Variants in CCDC178 observed in about 807,000 individuals in gnomAD.
CCDC178 encodes coiled-coil domain-containing protein 178.
CCDC178 carries 126 observed loss-of-function variants against 117.4 expected under a neutral mutation model. That is an observed-to-expected ratio of 1.07 (90% confidence interval 0.93 to 1.24). The LOEUF (loss-of-function observed/expected upper bound fraction) is 1.24. CCDC178 is among the 50% of genes most tolerant of loss of function. The pLI is 0.00. For synonymous variants in CCDC178, 283 were observed against 313.4 expected (o/e 0.90, Z 1.02); for missense variants, 1,030 against 986.9 (o/e 1.04, Z -0.59).
chr18:33,370,250 C>A, intron 5 of CCDC178, 61 bp from the exon 6 acceptor site: 1 of 1,281,004 alleles, frequency 7.8e-7, no homozygotes, highest in Non-Finnish European at 1.1e-6. Context: ...TTTTGATGTT[C>A]AGAATAAGCA....
chr18:33,312,541 G>A (rs554735467), intron 11 of CCDC178, among the ~76,000 whole-genome samples: 2 of 152,252 alleles, frequency 1.3e-5, no homozygotes, highest in South Asian at 4.1e-4. Context: ...AATTGCCCTA[G>A]GAGTACTAAC....
chr18:33,044,312 G>A (rs1457525801), intron 21 of CCDC178, among the ~76,000 whole-genome samples: 1 of 151,884 alleles, frequency 6.6e-6, no homozygotes, highest in Non-Finnish European at 1.5e-5. Flanking sequence ...TTAAAATGAC[G>A]ATACTGCCCA....
Position 33,296,750 on chromosome 18 carries a change from A to G in CCDC178, c.1023-3438T>C, listed in dbSNP as rs536142439. ...CTAATTAAGAATCATATTTTGGGCC[A>G]GGCGTGGTGGCTCACACCTGTAATC... On this transcript the variant is annotated intron_variant, in intron 11 of 22. Transcript: ENST00000383096. 7.0e-4 allele frequency among the ~76,000 whole-genome samples: 107 copies of G among 152,304 alleles called. 1 individual carries two copies. The South Asian group carries it at 0.017, about 24-fold the overall frequency.
intron 14 of CCDC178, among the ~76,000 whole-genome samples, chr18:33,247,583 CAAG>C (rs1260152845): frequency 6.6e-6 from 1 of 151,728 alleles, no homozygotes; most frequent in Non-Finnish European, 1.5e-5. Flanking sequence ...GGTGTGTGTG[CAAG>C]CACACACAAT....
intron 22 of CCDC178, among the ~76,000 whole-genome samples, chr18:32,960,684 A>G (rs1160835705): frequency 6.6e-6 from 1 of 152,086 alleles, no homozygotes; most frequent in Non-Finnish European, 1.5e-5. Flanking sequence ...TCTCTACCCC[A>G]GCACTATGCT....
chr18:33,322,301 A>C (rs1376244378), intron 11 of CCDC178, among the ~76,000 whole-genome samples: 1 of 151,944 alleles, frequency 6.6e-6, no homozygotes, highest in Non-Finnish European at 1.5e-5. Context: ...ATAGGTCTGT[A>C]TTGAGTCTGA....
chr18:33,143,964 A>G (rs1232063766), intron 20 of CCDC178, among the ~76,000 whole-genome samples: 2 of 152,046 alleles, frequency 1.3e-5, no homozygotes, highest in Admixed American at 6.5e-5. Context: ...ATAAATATCA[A>G]TGACTCCTAC....
At chr18:33,184,890 C>A (rs1220931574) in intron 20 of CCDC178, among the ~76,000 whole-genome samples, 1 of 152,168 alleles carries the variant, frequency 6.6e-6, no homozygotes, top group East Asian at 1.9e-4. Flanking sequence ...AACCTGCTCA[C>A]AGTTACTTAT....
chr18:33,021,818 C>T (rs528575003), intron 21 of CCDC178, among the ~76,000 whole-genome samples: 30 of 152,248 alleles, frequency 2.0e-4, no homozygotes, highest in Middle Eastern at 3.4e-3. Flanking sequence ...GTGCTAAATG[C>T]CACTGCTTTA....
chr18:33,313,307 T>C lies in CCDC178; in HGVS notation c.1022+10184A>G, dbSNP rs1227791038. Among the ~76,000 whole-genome samples, 3 of 152,180 alleles carry C rather than the reference T, an allele frequency of 2.0e-5. No individual in the cohort carries two copies. The East Asian group carries it at 5.8e-4, about 29-fold the overall frequency. On this transcript the variant is annotated intron_variant, in intron 11 of 22. Coordinates refer to ENST00000383096, the MANE Select transcript of CCDC178 (RefSeq NM_001105528.4). ...CCCAGGTGGAAGCAGTTCACTGCCA[T>C]GGCCACCAAAAGGGAGGGGCTGAGA...
chr18:33,363,784 C>T (rs2063161041), intron 6 of CCDC178, among the ~76,000 whole-genome samples: 1 of 152,018 alleles, frequency 6.6e-6, no homozygotes, highest in African/African-American at 2.4e-5. Context: ...TATGGATATT[C>T]ATGATACCAG....
rs537901619 is a variant in CCDC178 at position 33,300,176 on chromosome 18, T to G, written c.1023-6864A>C. ...ACTCTTGCCATGTGACATGCCTGCT[T>G]GCCTGCTCCCACTTCACTTTCCTCC... is the stretch of plus-strand genomic sequence containing the variant. On this transcript the variant is annotated intron_variant, in intron 11 of 22. Coordinates refer to ENST00000383096, the MANE Select transcript of CCDC178 (RefSeq NM_001105528.4). Among the ~76,000 whole-genome samples the G allele has an allele frequency of 1.5e-3, 224 of 152,296 alleles. 1 individual carries two copies. The highest frequency in any genetic ancestry group is 5.2e-3 in the African/African-American group (215 of 41,560).
At chr18:33,141,880 G>T (rs1204999182) in intron 20 of CCDC178, among the ~76,000 whole-genome samples, 1 of 152,104 alleles carries the variant, frequency 6.6e-6, no homozygotes, top group Non-Finnish European at 1.5e-5. Context: ...CTTCTTGTTT[G>T]CAAGAGGATG....
chr18:33,221,744 A>C (rs771793153), intron 18 of CCDC178, among the ~76,000 whole-genome samples: 3 of 152,094 alleles, frequency 2.0e-5, no homozygotes, highest in Admixed American at 6.6e-5. Flanking sequence ...CTGGCAAAAC[A>C]GAGTATCATT....
chr18:33,059,603 C>A (rs1039618541), intron 21 of CCDC178, among the ~76,000 whole-genome samples: 1 of 152,098 alleles, frequency 6.6e-6, no homozygotes, highest in African/African-American at 2.4e-5. Context: ...ACCTCCAAAT[C>A]ACGAAGTCCT....
chr18:33,207,558 T>C (rs1470547460), intron 20 of CCDC178, among the ~76,000 whole-genome samples: 1 of 150,950 alleles, frequency 6.6e-6, no homozygotes, highest in Non-Finnish European at 1.5e-5. Context: ...GAGAAAATCA[T>C]AATATCTAAA....
intron 21 of CCDC178, among the ~76,000 whole-genome samples, chr18:33,028,764 A>G (rs1429805186): frequency 6.6e-6 from 1 of 151,716 alleles, no homozygotes; most frequent in Non-Finnish European, 1.5e-5. Context: ...TGCCATATTT[A>G]TGTCTATTAA....
rs75993090 is a variant in CCDC178 at position 33,335,285 on chromosome 18, C to T, written c.659-1891G>A. 2.6e-5 allele frequency among the ~76,000 whole-genome samples: 4 copies of T among 152,018 alleles called. No homozygotes were observed. In the East Asian group the frequency reaches 7.7e-4, roughly 29 times the overall value. On this transcript the variant is annotated intron_variant, in intron 9 of 22. Coordinates refer to ENST00000383096, the MANE Select transcript of CCDC178 (RefSeq NM_001105528.4). ...TCTCTTTAATGACTTGGATTTTTCC[C>T]ATACATGTAATGATACTTTTAATGA... is the stretch of plus-strand genomic sequence containing the variant.
At chr18:33,165,900 G>GA (rs779753750) in intron 20 of CCDC178, among the ~76,000 whole-genome samples, 3 of 151,620 alleles carry the variant, frequency 2.0e-5, no homozygotes, top group African/African-American at 7.3e-5. Context: ...ACTTTCAATG[G>GA]AAAAAAAAGC....
Sources: gnomAD v4.1 joint callset for allele counts (sites outside exome capture counted in the v4.1 genomes callset) on GRCh38, gnomAD v4.1.1 for gene constraint, MANE v1.5 for transcripts, NCBI Gene and HGNC (gene_info 2026-07-23, HGNC 2026-07-21) for gene names.